The following CPEB3 variants were observed in gnomAD, a reference collection of about 807,000 sequenced individuals.
The protein encoded by CPEB3 is cytoplasmic polyadenylation element-binding protein 3.
In CPEB3, 20 loss-of-function variants were observed where a neutral mutation model predicts 67.2. That is an observed-to-expected ratio of 0.30 (90% CI 0.21 to 0.43). The LOEUF is 0.43. Among genes scored for constraint, CPEB3 ranks in the 20% least tolerant of loss-of-function variants. The pLI is 1.00. For synonymous variants in CPEB3, 376 were observed against 393.1 expected, an observed-to-expected ratio of 0.96 and a Z score of 0.51; for missense variants, 746 against 968.6, an observed-to-expected ratio of 0.77 and a Z score of 3.05.
intron 7 of CPEB3, among the ~76,000 whole-genome samples, 167 bp downstream of exon 7, chr10:92,110,906 TTTG>T (rs1331475147): frequency 6.6e-6 from 1 of 152,218 alleles, no homozygotes; most frequent in African/African-American, 2.4e-5. Flanking sequence ...TACTGAGTAA[TTTG>T]TTGTTAGTTT....
chr10:92,239,664 A>G lies in CPEB3; in HGVS notation c.687T>C (p.Ala229=). The part of the protein sequence containing the change: ...KPSSSSAVAA[A]AAAAAASSAS... ...CCGACGAGGCGGCGGCTGCGGCAGC[A>G]GCGGCTGCAACCGCCGAAGACGAGG... The change falls in exon 2 of 10, where the codon GCT becomes GCC. Residue 229 remains alanine, a synonymous_variant. Coordinates refer to ENST00000265997, the MANE Select transcript of CPEB3 (RefSeq NM_014912.5). This position sits in a 1 kb window ranked among gnomAD's most constrained non-coding sequence, Gnocchi z 6.0. The G allele has an allele frequency of 1.3e-6, 2 of 1,561,502 alleles. No homozygotes were observed. Among genetic ancestry groups the G allele is most frequent in the Non-Finnish European group, 1.7e-6 (2 of 1,154,560 alleles).
intron 2 of CPEB3, among the ~76,000 whole-genome samples, chr10:92,213,802 T>C (rs1395643181): frequency 6.6e-6 from 1 of 152,144 alleles, no homozygotes; most frequent in Non-Finnish European, 1.5e-5. Flanking sequence ...TCTCCTAGTC[T>C]AGAGCTAATT....
In CPEB3 at chr10:92,195,031, G is replaced by A. The variant is rs1166248993; in HGVS notation, c.1006-2395C>T. Reference sequence around the variant, plus strand: ...TGCACTCCAGCCTGGGCGACAGAGCGAGACTGTCTCAAAAAACACACACAC... The same window carrying A: ...TGCACTCCAGCCTGGGCGACAGAGCAAGACTGTCTCAAAAAACACACACAC... On this transcript the variant is annotated intron_variant, in intron 2 of 9. Coordinates refer to ENST00000265997, the MANE Select transcript of CPEB3 (RefSeq NM_014912.5). Among the ~76,000 whole-genome samples, 8 of 147,342 alleles carry A rather than the reference G, an allele frequency of 5.4e-5. No individual in the cohort carries two copies. In the Admixed American group the frequency reaches 5.6e-4, roughly 10 times the overall value.
At chr10:92,137,870 A>G (rs1358019175) in intron 6 of CPEB3, 9 of 170,500 alleles carry the variant, frequency 5.3e-5, no homozygotes, top group Non-Finnish European at 8.7e-5. Context: ...GCATGGTGGC[A>G]AGTGCCTGTA....
At chr10:92,198,305 T>A (rs1024647065) in intron 2 of CPEB3, among the ~76,000 whole-genome samples, 1 of 152,146 alleles carries the variant, frequency 6.6e-6, no homozygotes, top group African/African-American at 2.4e-5. Context: ...ACACTCCCTT[T>A]AACTTAATCT....
At chr10:92,109,199 T>C (rs1844610652) in intron 7 of CPEB3, among the ~76,000 whole-genome samples, 1 of 152,012 alleles carries the variant, frequency 6.6e-6, no homozygotes, top group Admixed American at 6.6e-5. Flanking sequence ...TAGCAGAGGC[T>C]CTCTGGAGGT....
chr10:92,205,579 C>A (rs1038456115), intron 2 of CPEB3, among the ~76,000 whole-genome samples: 6 of 146,834 alleles, frequency 4.1e-5, no homozygotes, highest in African/African-American at 1.5e-4. Context: ...CAGGTTCAAG[C>A]AATTCTCCTG....
intron 2 of CPEB3, chr10:92,204,307 T>C (rs2134273825): frequency 6.6e-6 from 1 of 152,350 alleles, no homozygotes; most frequent in Non-Finnish European, 1.5e-5. Flanking sequence ...GTTATCCCCT[T>C]GATCCTTGAA....
At chr10:92,061,419 C>CAAAA (rs148327302) in intron 9 of CPEB3, among the ~76,000 whole-genome samples, 71 of 93,212 alleles carry the variant, frequency 7.6e-4, no homozygotes, top group Non-Finnish European at 1.1e-3. Context: ...AATTCTGTCT[C>CAAAA]AAAAAAAAAA....
chr10:92,230,735 C>T (rs898364405), intron 2 of CPEB3, among the ~76,000 whole-genome samples: 5 of 152,298 alleles, frequency 3.3e-5, no homozygotes, highest in South Asian at 2.1e-4. Context: ...CTCACAGGAG[C>T]AGCTACCCAC....
chr10:92,117,215 G>A (rs1185099663), intron 6 of CPEB3, among the ~76,000 whole-genome samples: 1 of 151,076 alleles, frequency 6.6e-6, no homozygotes, highest in African/African-American at 2.4e-5. Context: ...GTAGAGACGG[G>A]GTTTCACCAT....
Position 92,291,014 on chromosome 10 carries a change from G to C in CPEB3, c.-100C>G, listed in dbSNP as rs1842843745. The C allele has an allele frequency of 5.9e-6, 1 of 168,794 alleles. No homozygotes were observed. The highest frequency in any genetic ancestry group is 1.3e-5 in the Non-Finnish European group (1 of 78,414). 10.5% of individuals were successfully genotyped at this position (168,794 alleles called of 1,614,324 possible). A position where few individuals can be genotyped will look rare whatever the true frequency, so the allele number is the denominator to read the frequency against. On this transcript the variant is annotated 5_prime_UTR_variant, in exon 1 of 10. Coordinates refer to ENST00000265997, the MANE Select transcript of CPEB3 (RefSeq NM_014912.5). ...TTTTTTCCCCCTGGAGGAAGGAAAC[G>C]GGAGGGCGCCGGCCAGACGGCGGCA...
chr10:92,235,275 A>G (rs905771339), intron 2 of CPEB3, among the ~76,000 whole-genome samples: 3 of 152,136 alleles, frequency 2.0e-5, no homozygotes, highest in African/African-American at 7.2e-5. Flanking sequence ...GCGAAATTCC[A>G]TCTCTACTAA....
chr10:92,084,538 C>G (rs548007398), intron 8 of CPEB3, among the ~76,000 whole-genome samples: 6 of 151,926 alleles, frequency 3.9e-5, no homozygotes, highest in African/African-American at 1.4e-4. Flanking sequence ...TGAAAATTTC[C>G]CATCTCCCTC....
chr10:92,238,236 A>T (rs1384357102), intron 2 of CPEB3, among the ~76,000 whole-genome samples: 2 of 152,238 alleles, frequency 1.3e-5, no homozygotes, highest in African/African-American at 4.8e-5. Context: ...TAAGTGAAGG[A>T]TAAGTGTTTG....
intron 4 of CPEB3, among the ~76,000 whole-genome samples, chr10:92,176,187 A>C (rs1848213525): frequency 6.6e-6 from 1 of 152,258 alleles, no homozygotes. Context: ...TGTGAGATAA[A>C]CTTATATTTT....
Position 92,104,488 on chromosome 10 carries a change from A to G in CPEB3, c.1572+6588T>C, listed in dbSNP as rs531964446. On this transcript the variant is annotated intron_variant, in intron 7 of 9. Transcript: ENST00000265997. ...TGCAAGCCCCACCTCCCAGGTTCAC[A>G]CCATTCTCCTGCCTCAGCCTCCTGA... is the stretch of plus-strand genomic sequence containing the variant. 3.9e-3 allele frequency among the ~76,000 whole-genome samples: 581 copies of G among 149,038 alleles called. 2 individuals carry two copies. The highest frequency in any genetic ancestry group is 6.1e-3 in the Non-Finnish European group (414 of 67,534).
intron 2 of CPEB3, among the ~76,000 whole-genome samples, chr10:92,200,887 A>G (rs1849491714): frequency 6.6e-6 from 1 of 152,166 alleles, no homozygotes; most frequent in East Asian, 1.9e-4. Context: ...TTAGTATATC[A>G]TACACAGAGA....
At chr10:92,267,975 T>C (rs2134965279) in intron 1 of CPEB3, among the ~76,000 whole-genome samples, 1 of 152,134 alleles carries the variant, frequency 6.6e-6, no homozygotes, top group African/African-American at 2.4e-5. Flanking sequence ...CGCACCACAA[T>C]GCCCAGCTAA....
Sources: gnomAD v4.1 joint callset for allele counts (sites outside exome capture counted in the v4.1 genomes callset) on GRCh38, gnomAD v4.1.1 for gene constraint, Gnocchi (gnomAD v3.1) non-coding constraint, MANE v1.5 for transcripts, NCBI Gene and HGNC (gene_info 2026-07-23, HGNC 2026-07-21) for gene names.